Variants in FLRT1 observed in about 807,000 individuals in gnomAD.
FLRT1 encodes the protein leucine-rich repeat transmembrane protein FLRT1.
Under a neutral mutation model 30.9 loss-of-function variants are expected in FLRT1, and 14 were observed. That is an observed-to-expected ratio of 0.45 (90% confidence interval 0.30 to 0.71). The LOEUF (loss-of-function observed/expected upper bound fraction) is 0.71, where lower values mean the gene tolerates loss of function less well. Among genes scored for constraint, FLRT1 ranks in the 30% least tolerant of loss-of-function variants. The probability of loss-of-function intolerance (pLI) is 0.08; values close to 1 mark genes in which losing one functional copy is unlikely to be tolerated. For missense variants in FLRT1, 737 were observed against 949.2 expected, an observed-to-expected ratio of 0.78 and a Z score of 2.94; for synonymous variants, 368 against 430.4, an observed-to-expected ratio of 0.85 and a Z score of 1.80.
rs568445982 is a variant in FLRT1, at chr11:64,069,730, G to A, written c.-1037-33464G>A. ...TGGGGCTGGTGACACCCCCGGGCCC[G>A]GCCCCGGCAGCTGTGTCACCTAAAT... On this transcript the variant is annotated intron_variant, in intron 1 of 2. Coordinates refer to ENST00000682287, the MANE Select transcript of FLRT1 (RefSeq NM_013280.5). 4.3e-4 allele frequency among the ~76,000 whole-genome samples: 66 copies of A among 152,306 alleles called. 2 individuals are homozygous for A. The highest frequency in any genetic ancestry group is 3.7e-3 in the Admixed American group (57 of 15,304).
At chr11:64,039,163 G>A (rs182823997) in intron 1 of FLRT1, among the ~76,000 whole-genome samples, 31 of 152,272 alleles carry the variant, frequency 2.0e-4, no homozygotes, top group Middle Eastern at 3.4e-3. Flanking sequence ...AGGGGGAGCT[G>A]GAGGGCTTTT....
chr11:64,052,824 C>T (rs1296068431), intron 1 of FLRT1, among the ~76,000 whole-genome samples: 2 of 152,182 alleles, frequency 1.3e-5, no homozygotes, highest in East Asian at 3.8e-4. Context: ...GCCCTTTGCC[C>T]AGGTGGGGTT....
chr11:64,046,180 TGAGCCTCTGTTCTCCA>T (rs1565207797), intron 1 of FLRT1, among the ~76,000 whole-genome samples: 1 of 152,190 alleles, frequency 6.6e-6, no homozygotes, highest in African/African-American at 2.4e-5. Flanking sequence ...TCTGGCCTCC[TGAGCCTCTGTTCTCCA>T]GAGCAGCCGA....
At chr11:64,092,843 C>CCA (rs1307678496) in intron 1 of FLRT1, among the ~76,000 whole-genome samples, 1 of 152,248 alleles carries the variant, frequency 6.6e-6, no homozygotes, top group African/African-American at 2.4e-5. Context: ...GAGGTTAACA[C>CCA]GTGTCACCAA....
chr11:64,041,698 G>A (rs532401903), intron 1 of FLRT1, among the ~76,000 whole-genome samples: 1 of 152,166 alleles, frequency 6.6e-6, no homozygotes, highest in South Asian at 2.1e-4. Context: ...GACAAAATCC[G>A]AGGGACTGAG....
At chr11:64,104,638 T>C (rs999582785) in intron 2 of FLRT1, among the ~76,000 whole-genome samples, 2 of 151,972 alleles carry the variant, frequency 1.3e-5, no homozygotes, top group African/African-American at 4.8e-5. Context: ...CACAAGTCTA[T>C]ATCAGGGCCC....
intron 1 of FLRT1, among the ~76,000 whole-genome samples, chr11:64,041,632 T>C (rs993383153): frequency 6.6e-6 from 1 of 151,970 alleles, no homozygotes. Context: ...AATGACCGCC[T>C]CGGGAGCTGG....
intron 1 of FLRT1, among the ~76,000 whole-genome samples, chr11:64,052,252 G>A (rs1401488150): frequency 6.6e-6 from 1 of 152,064 alleles, no homozygotes. Flanking sequence ...CATTGTCGGG[G>A]TGGGGGAAAA....
At chr11:64,058,382 C>T (rs1229302528) in intron 1 of FLRT1, among the ~76,000 whole-genome samples, 1 of 152,212 alleles carries the variant, frequency 6.6e-6, no homozygotes, top group Non-Finnish European at 1.5e-5. Flanking sequence ...TCTGGACAGT[C>T]ACCTGCAGGT....
At chr11:64,039,753 G>C (rs1354737598) in intron 1 of FLRT1, among the ~76,000 whole-genome samples, 2 of 152,252 alleles carry the variant, frequency 1.3e-5, no homozygotes, top group Non-Finnish European at 2.9e-5. Context: ...GCTCCCCGGG[G>C]CCAGCGGCTC....
intron 1 of FLRT1, among the ~76,000 whole-genome samples, chr11:64,087,800 G>A (rs1476320476): frequency 1.3e-5 from 2 of 152,230 alleles, no homozygotes; most frequent in Non-Finnish European, 1.5e-5. Context: ...CGCCTGCCCA[G>A]GGCTGGCTTC....
At chr11:64,055,977 G>T (rs902011205) in intron 1 of FLRT1, among the ~76,000 whole-genome samples, 1 of 152,328 alleles carries the variant, frequency 6.6e-6, no homozygotes, top group South Asian at 2.1e-4. Flanking sequence ...TCCTGGGAGG[G>T]ACGCGCTGTC....
At chr11:64,039,763 C>T (rs1943451028) in intron 1 of FLRT1, among the ~76,000 whole-genome samples, 1 of 152,254 alleles carries the variant, frequency 6.6e-6, no homozygotes, top group Admixed American at 6.5e-5. Flanking sequence ...GCCAGCGGCT[C>T]TGCAGATGAT....
chr11:64,045,393 T>C (rs906793630), intron 1 of FLRT1, among the ~76,000 whole-genome samples: 2 of 152,224 alleles, frequency 1.3e-5, no homozygotes, highest in East Asian at 3.8e-4. Flanking sequence ...GGCATGTTGA[T>C]AATTTATTTG....
At chr11:64,045,036 C>T (rs1376760119) in intron 1 of FLRT1, among the ~76,000 whole-genome samples, 1 of 152,224 alleles carries the variant, frequency 6.6e-6, no homozygotes, top group Non-Finnish European at 1.5e-5. Context: ...TGGAGGGGAA[C>T]AGCCTTGGCA....
intron 2 of FLRT1, among the ~76,000 whole-genome samples, chr11:64,115,652 G>A (rs954163327): frequency 2.0e-5 from 3 of 152,178 alleles, no homozygotes; most frequent in Admixed American, 6.5e-5. Context: ...CTTCGTTCCC[G>A]CAGGTTCTGG....
chr11:64,048,492 C>T (rs1221683327), intron 1 of FLRT1, among the ~76,000 whole-genome samples: 1 of 152,164 alleles, frequency 6.6e-6, no homozygotes, highest in African/African-American at 2.4e-5. Context: ...GCCCTTCCAG[C>T]TCCCAGATCC....
chr11:64,107,486 GCGCCACCCAGCCGGCCTATGT>G (rs1346404919), intron 2 of FLRT1, among the ~76,000 whole-genome samples: 2 of 152,222 alleles, frequency 1.3e-5, no homozygotes, highest in Non-Finnish European at 2.9e-5. Flanking sequence ...CCTGGCACCA[GCGCCACCCAGCCGGCCTATGT>G]GGTTAGGTGC....
intron 2 of FLRT1, among the ~76,000 whole-genome samples, chr11:64,109,404 G>A (rs562905304): frequency 1.1e-4 from 17 of 152,246 alleles, no homozygotes; most frequent in East Asian, 9.7e-4. Flanking sequence ...TGGGAAACCC[G>A]GGAGGCTGCC....
Sources: allele counts gnomAD v4.1 joint callset (sites outside exome capture counted in the v4.1 genomes callset), GRCh38; gene constraint gnomAD v4.1.1; transcripts MANE v1.5; gene names NCBI Gene and HGNC (gene_info 2026-07-23, HGNC 2026-07-21).